The following CPLX2 variants were observed in gnomAD, a reference collection of about 807,000 sequenced individuals.
CPLX2 encodes the protein complexin-2.
A neutral mutation model predicts 16.3 loss-of-function variants in CPLX2; 5 were observed. The observed-to-expected ratio is 0.31, with a 90% CI of 0.16 to 0.64. The LOEUF is 0.64. CPLX2 is among the 30% of genes least tolerant of loss of function. CPLX2 has a pLI of 0.79. For missense variants in CPLX2, 144 were observed against 181.4 expected (o/e 0.79, Z 1.18); for synonymous variants, 89 against 73.2 (o/e 1.22, Z -1.10).
chr5:175,846,660 G>A (rs1015741885), intron 2 of CPLX2, among the ~76,000 whole-genome samples: 3 of 152,158 alleles, frequency 2.0e-5, no homozygotes, highest in African/African-American at 7.2e-5. Context: ...GGCAGAACTG[G>A]GATTTGACCC....
rs1313413573 is a variant in CPLX2, at chr5:175,881,778, G to A, written c.*1733G>A. 2.6e-5 allele frequency: 4 copies of A among 152,642 alleles called. No homozygotes were observed. The highest frequency in any genetic ancestry group is 7.2e-5 in the African/African-American group (3 of 41,448). The allele number at this position is 152,642 out of a possible 1,614,324, so 9.5% of individuals were successfully genotyped here. On this transcript the variant is annotated 3_prime_UTR_variant, in exon 4 of 4. Transcript: ENST00000393745. ...TCCCACTGCAATGGACCCAGGCAGC[G>A]CCCCAGGAAGCCATGCTGGGCCCCC...
upstream of CPLX2, chr5:175,871,485 G>GGGAGAGAGAGAGAGAGAGAGAT (rs1759616866): frequency 6.7e-6 from 1 of 149,402 alleles, no homozygotes; most frequent in African/African-American, 2.5e-5. Flanking sequence ...GAGAGAGAGA[G>GGGAGAGAGAGAGAGAGAGAGAT]ATTTGAATTT....
chr5:175,812,393 CCCA>C (rs1346897659), intron 2 of CPLX2, among the ~76,000 whole-genome samples: 1 of 152,184 alleles, frequency 6.6e-6, no homozygotes, highest in African/African-American at 2.4e-5. Flanking sequence ...GGTCTGGGAA[CCCA>C]CCAAAGGAAA....
upstream of CPLX2, chr5:175,871,483 G>T (rs1170676514): frequency 1.3e-5 from 2 of 150,114 alleles, no homozygotes; most frequent in African/African-American, 4.9e-5. Context: ...GAGAGAGAGA[G>T]AGATTTGAAT....
chr5:175,867,713 C>A (rs1759505390), upstream of CPLX2, among the ~76,000 whole-genome samples: 1 of 152,254 alleles, frequency 6.6e-6, no homozygotes, highest in East Asian at 1.9e-4. Flanking sequence ...GAGACGCACG[C>A]CTGCCCTGCC....
At chr5:175,804,359 T>A (rs1758156146) in intron 1 of CPLX2, among the ~76,000 whole-genome samples, 1 of 152,162 alleles carries the variant, frequency 6.6e-6, no homozygotes, top group Non-Finnish European at 1.5e-5. Flanking sequence ...ACTGCCTGCC[T>A]TGGCTGTGGA....
chr5:175,812,657 C>T (rs1561770381), intron 2 of CPLX2, among the ~76,000 whole-genome samples: 1 of 152,064 alleles, frequency 6.6e-6, no homozygotes, highest in Non-Finnish European at 1.5e-5. Flanking sequence ...AAAAATAATG[C>T]ACTAAATGGA....
intron 1 of CPLX2, among the ~76,000 whole-genome samples, chr5:175,802,532 C>T (rs557607559): frequency 3.3e-5 from 5 of 152,168 alleles, no homozygotes; most frequent in African/African-American, 9.7e-5. Context: ...TCGGAAGCTG[C>T]GACAGCCAGG....
chr5:175,816,044 T>G (rs1400752536), intron 2 of CPLX2, among the ~76,000 whole-genome samples: 1 of 152,246 alleles, frequency 6.6e-6, no homozygotes, highest in Non-Finnish European at 1.5e-5. Context: ...TTGTTTCTCC[T>G]TAACATGATG....
rs758033687 is a variant in CPLX2 at position 175,878,991 on chromosome 5, G to GAGGCGCTGCGGCAGC, written c.119_133dup (p.Ala40_Gln44dup). On this transcript the variant is annotated inframe_insertion, in exon 3 of 4. Transcript: ENST00000393745. ...GCAGAAAAAGGAGGAGGAGCGGCAG[G>GAGGCGCTGCGGCAGC]AGGCGCTGCGGCAGCAGGAGGAGGA... 1.2e-6 allele frequency: 2 copies of GAGGCGCTGCGGCAGC among 1,601,512 alleles called. No homozygotes were observed. The highest frequency in any genetic ancestry group is 3.4e-5 in the Admixed American group (2 of 58,900).
chr5:175,843,017 T>C (rs1456888625), intron 2 of CPLX2, among the ~76,000 whole-genome samples: 4 of 151,848 alleles, frequency 2.6e-5, no homozygotes, highest in Non-Finnish European at 5.9e-5. Flanking sequence ...AAACAGCTCA[T>C]CCCCCCAGGC....
chr5:175,880,073 C>T lies in CPLX2; in HGVS notation c.*28C>T, dbSNP rs1301194170. The T allele has an allele frequency of 1.9e-6, 3 of 1,593,074 alleles. No homozygotes were observed. Among genetic ancestry groups the T allele is most frequent in the Non-Finnish European group, 2.6e-6 (3 of 1,168,090 alleles). ...AGGCCTCCTGCCCCAGCCTACTCCACCTGTTACTACTTCTTTTTGGTTCTT... is the reference window on the plus strand; with the variant it reads ...AGGCCTCCTGCCCCAGCCTACTCCATCTGTTACTACTTCTTTTTGGTTCTT... On this transcript the variant is annotated 3_prime_UTR_variant, in exon 4 of 4. Transcript: ENST00000393745.
At position 175,849,719 on chromosome 5, in the gene CPLX2, G is replaced by A. The variant is rs1291544271; in HGVS notation, c.-88-28933G>A. ...GGAGCTGGACTCACCTGAGCCTCTC[G>A]GTGTTATAGCTCCCCTGCTGCGTGA... On this transcript the variant is annotated intron_variant, in intron 2 of 4. Transcript: ENST00000359546. The surrounding 1 kb of genome is among the most constrained non-coding windows in gnomAD (Gnocchi z 4.4). 3.3e-5 allele frequency among the ~76,000 whole-genome samples: 5 copies of A among 152,172 alleles called. No individual in the cohort carries two copies. In the South Asian group the frequency reaches 6.3e-4, roughly 19 times the overall value.
At chr5:175,846,743 TC>T (rs1404579374) in intron 2 of CPLX2, among the ~76,000 whole-genome samples, 5 of 152,062 alleles carry the variant, frequency 3.3e-5, no homozygotes, top group African/African-American at 9.7e-5. Context: ...TCAATGCCAC[TC>T]CCCCATGCCT....
At chr5:175,808,491 C>T (rs561101758) in intron 1 of CPLX2, among the ~76,000 whole-genome samples, 9 of 152,078 alleles carry the variant, frequency 5.9e-5, no homozygotes, top group South Asian at 2.1e-4. Flanking sequence ...TCTTCACAGA[C>T]GTGGTCTTAT....
chr5:175,800,179 C>T (rs1758067612), intron 1 of CPLX2, among the ~76,000 whole-genome samples: 1 of 152,018 alleles, frequency 6.6e-6, no homozygotes, highest in Non-Finnish European at 1.5e-5. Flanking sequence ...ATGTGATGGC[C>T]ATGATGGGTA....
Position 175,879,045 on chromosome 5 carries a change from G to A in CPLX2, c.169G>A (p.Ala57Thr). Residue 57 changes from alanine (A) to threonine (T), a missense_variant, in exon 3 of 4, where the codon GCG becomes ACG. By Grantham distance (58) the Ala-to-Thr change is moderately conservative. Transcript: ENST00000393745. Reference protein sequence around the residue: ...ERKAKHARMEAEREKVRQQIR... With the variant: ...ERKAKHARMETEREKVRQQIR... ...TAAGGCCAAGCACGCGCGCATGGAG[G>A]CGGAGCGGGAGAAGGTCCGGCAGCA... 6.3e-7 allele frequency: 1 copy of A among 1,587,294 alleles called. No individual in the cohort carries two copies. The highest frequency in any genetic ancestry group is 8.6e-7 in the Non-Finnish European group (1 of 1,167,212).
chr5:175,856,000 T>C (rs1480678523), intron 2 of CPLX2, among the ~76,000 whole-genome samples: 2 of 152,114 alleles, frequency 1.3e-5, no homozygotes, highest in Non-Finnish European at 2.9e-5. Context: ...CAGTGCCACC[T>C]CATCCTACAT....
intron 2 of CPLX2, among the ~76,000 whole-genome samples, chr5:175,860,625 A>AGGAAGGAAGGAAGGAAGGAG (rs1464698276): frequency 3.3e-5 from 5 of 151,236 alleles, no homozygotes; most frequent in African/African-American, 1.2e-4. Flanking sequence ...GAAGGAAGGA[A>AGGAAGGAAGGAAGGAAGGAG]GGAAGGAAGG....
Sources: allele counts gnomAD v4.1 joint callset (sites outside exome capture counted in the v4.1 genomes callset), GRCh38; gene constraint gnomAD v4.1.1; non-coding constraint Gnocchi (gnomAD v3.1); transcripts MANE v1.5; gene names NCBI Gene and HGNC (gene_info 2026-07-23, HGNC 2026-07-21).